ITFG1: variants seen among roughly 807,000 people sequenced by gnomAD.
The protein encoded by ITFG1 is T-cell immunomodulatory protein.
Under a neutral mutation model 81.8 loss-of-function variants are expected in ITFG1, and 34 were observed. The ratio of observed to expected loss-of-function variants is 0.42; its 90% CI spans 0.32 to 0.55. The LOEUF (loss-of-function observed/expected upper bound fraction) is 0.55. Among genes scored for constraint, ITFG1 ranks in the 20% least tolerant of loss-of-function variants. ITFG1 has a pLI of 0.17. For missense variants in ITFG1, 672 were observed against 755.4 expected, an observed-to-expected ratio of 0.89 and a Z score of 1.29; for synonymous variants, 285 against 270.6, an observed-to-expected ratio of 1.05 and a Z score of -0.52.
chr16:47,459,811 C>T (rs1472670838), intron 1 of ITFG1, among the ~76,000 whole-genome samples: 1 of 152,192 alleles, frequency 6.6e-6, no homozygotes, highest in African/African-American at 2.4e-5. Context: ...TTGGACACAG[C>T]AGCAACAGGT....
At chr16:47,320,240 T>C (rs1317824141) in intron 8 of ITFG1, among the ~76,000 whole-genome samples, 1 of 152,262 alleles carries the variant, frequency 6.6e-6, no homozygotes, top group Non-Finnish European at 1.5e-5. Flanking sequence ...AATAATGTTG[T>C]TGGTCTTTTA....
chr16:47,400,702 GGAGGTAGGGGAAGCAAA>G (rs112500782), intron 6 of ITFG1, among the ~76,000 whole-genome samples: 17,818 of 151,752 alleles, frequency 0.12, 2,308 homozygotes, highest in African/African-American at 0.32. Flanking sequence ...TTCAGCGAAA[GGAGGTAGGGGAAGCAAA>G]GAGGTAGGGG....
At chr16:47,404,586 CTTTT>C (rs1480295268) in intron 6 of ITFG1, among the ~76,000 whole-genome samples, 3 of 152,124 alleles carry the variant, frequency 2.0e-5, no homozygotes, top group Non-Finnish European at 2.9e-5. Flanking sequence ...AGGTTACTTT[CTTTT>C]TATTATTTCC....
intron 5 of ITFG1, among the ~76,000 whole-genome samples, chr16:47,434,944 A>C (rs1244096555): frequency 6.6e-6 from 1 of 152,198 alleles, no homozygotes; most frequent in Non-Finnish European, 1.5e-5. Flanking sequence ...CAAACATTAC[A>C]TGTTCTCACT....
chr16:47,192,139 GTTC>G (rs1164035538), intron 14 of ITFG1, among the ~76,000 whole-genome samples: 3 of 152,178 alleles, frequency 2.0e-5, no homozygotes, highest in Non-Finnish European at 4.4e-5. Flanking sequence ...ACTGAGTCTA[GTTC>G]TTCTACTTGC....
At chr16:47,428,984 TTAAA>T (rs1484230223) in intron 5 of ITFG1, 86 bp from the exon 6 acceptor site, 5 of 733,560 alleles carry the variant, frequency 6.8e-6, no homozygotes, top group African/African-American at 1.8e-5. Flanking sequence ...TGCAAAACAC[TTAAA>T]TTTATTTATT....
At chr16:47,422,244 A>T (rs912099371) in intron 6 of ITFG1, among the ~76,000 whole-genome samples, 5 of 152,172 alleles carry the variant, frequency 3.3e-5, no homozygotes, top group Admixed American at 3.3e-4. Context: ...ATCCTTGAGG[A>T]ATCACCACAC....
chr16:47,348,489 G>C (rs139606914), intron 8 of ITFG1, among the ~76,000 whole-genome samples: 1 of 152,134 alleles, frequency 6.6e-6, no homozygotes, highest in African/African-American at 2.4e-5. Context: ...GCAAAATGAA[G>C]TGAGAAGAGA....
At chr16:47,187,561 T>A (rs368126170) in intron 14 of ITFG1, among the ~76,000 whole-genome samples, 1 of 151,904 alleles carries the variant, frequency 6.6e-6, no homozygotes, top group Non-Finnish European at 1.5e-5. Context: ...CTAGCCATAT[T>A]TAGAAAGCTG....
intron 14 of ITFG1, among the ~76,000 whole-genome samples, chr16:47,181,947 G>A (rs1286615597): frequency 1.3e-5 from 2 of 152,132 alleles, no homozygotes; most frequent in Non-Finnish European, 1.5e-5. Context: ...TAAGGGCGGT[G>A]CAAGATGTGC....
intron 8 of ITFG1, among the ~76,000 whole-genome samples, chr16:47,338,033 G>A (rs1316339657): frequency 6.6e-6 from 1 of 152,188 alleles, no homozygotes; most frequent in Non-Finnish European, 1.5e-5. Flanking sequence ...AGATGAACAC[G>A]AACTGAAGGA....
rs371555465 is a variant in ITFG1, at chr16:47,428,924, T to C, written c.561-26A>G. Reference sequence around the variant, plus strand: ...CTAAAAAATAAAATAAAAATACTTTTCTTAAGGCAAACATCAAATGAGCAT... The same window carrying C: ...CTAAAAAATAAAATAAAAATACTTTCCTTAAGGCAAACATCAAATGAGCAT... On this transcript the variant is annotated intron_variant, in intron 5 of 17. Transcript: ENST00000320640. The C allele has an allele frequency of 1.1e-5, 15 of 1,344,944 alleles. No individual in the cohort carries two copies. In the African/African-American group the frequency reaches 1.9e-4, roughly 17 times the overall value. 83.3% of individuals were successfully genotyped at this position (1,344,944 alleles called of 1,614,324 possible). A position where few individuals can be genotyped will look rare whatever the true frequency, so the allele number is the denominator to read the frequency against.
At chr16:47,448,334 T>C (rs1279895933) in intron 5 of ITFG1, 5 of 152,184 alleles carry the variant, frequency 3.3e-5, no homozygotes, top group African/African-American at 1.2e-4. Context: ...AAAATGCAGA[T>C]TTATTTCTTC....
rs114267635 is a variant in ITFG1, at chr16:47,460,069, G to A, written c.208+769C>T. Reference sequence around the variant, plus strand: ...AGCATCAAGATTTACAAAAAAGTTAGTTTAACGATTGTCAAAGCAAAGAAT... The same window carrying A: ...AGCATCAAGATTTACAAAAAAGTTAATTTAACGATTGTCAAAGCAAAGAAT... On this transcript the variant is annotated intron_variant, in intron 1 of 17. Coordinates refer to ENST00000320640, the MANE Select transcript of ITFG1 (RefSeq NM_030790.5). Among the ~76,000 whole-genome samples the A allele has an allele frequency of 7.5e-3, 1,135 of 152,316 alleles. 19 individuals are homozygous for A. The highest frequency in any genetic ancestry group is 0.026 in the African/African-American group (1,075 of 41,568).
rs969980543 is a variant in ITFG1, at chr16:47,214,965, C to T, written c.1453+3903G>A. On this transcript the variant is annotated intron_variant, in intron 14 of 17. Transcript: ENST00000320640. ...ACACACACACACACACACACACGCA[C>T]GCACAACTAAATAAAAATTTCATGA... is the stretch of plus-strand genomic sequence containing the variant. 9.9e-5 allele frequency among the ~76,000 whole-genome samples: 15 copies of T among 151,672 alleles called. 1 individual carries two copies. The highest frequency in any genetic ancestry group is 4.2e-4 in the South Asian group (2 of 4,816).
At chr16:47,178,971 A>G (rs1965064835) in intron 14 of ITFG1, among the ~76,000 whole-genome samples, 1 of 152,240 alleles carries the variant, frequency 6.6e-6, no homozygotes, top group Admixed American at 6.5e-5. Context: ...CAGACACATG[A>G]AAAAATGCTC....
chr16:47,422,895 A>C (rs1159028636), intron 6 of ITFG1, among the ~76,000 whole-genome samples: 2 of 152,116 alleles, frequency 1.3e-5, no homozygotes, highest in Non-Finnish European at 1.5e-5. Flanking sequence ...AAGAATGTAT[A>C]TTCTGTTGAT....
intron 2 of ITFG1, among the ~76,000 whole-genome samples, chr16:47,458,156 T>G (rs951911054): frequency 6.6e-6 from 1 of 152,354 alleles, no homozygotes; most frequent in African/African-American, 2.4e-5. Flanking sequence ...CACAAGGACC[T>G]GATGATTCCC....
chr16:47,198,602 C>T (rs889624577), intron 14 of ITFG1, among the ~76,000 whole-genome samples: 2 of 152,082 alleles, frequency 1.3e-5, no homozygotes, highest in African/African-American at 4.8e-5. Context: ...GTAAAACAGC[C>T]TCAGGTAGGC....
Sources: gnomAD v4.1 joint callset for allele counts (sites outside exome capture counted in the v4.1 genomes callset) on GRCh38, gnomAD v4.1.1 for gene constraint, MANE v1.5 for transcripts, NCBI Gene and HGNC (gene_info 2026-07-23, HGNC 2026-07-21) for gene names.